Variants in GRIA2 observed in about 807,000 individuals in gnomAD.
The protein encoded by GRIA2 is glutamate receptor 2.
Under a neutral mutation model 97.3 loss-of-function variants are expected in GRIA2, and 14 were observed. That is an observed-to-expected ratio of 0.14 (90% CI 0.10 to 0.23). The LOEUF (loss-of-function observed/expected upper bound fraction) is 0.23. GRIA2 is among the 10% of genes least tolerant of loss of function. The pLI is 1.00. For missense variants in GRIA2, 558 were observed against 1,069.8 expected (o/e 0.52, Z 6.67); for synonymous variants, 412 against 387.8 (o/e 1.06, Z -0.73).
chr4:157,358,412 A>T (rs1182509199), intron 12 of GRIA2, among the ~76,000 whole-genome samples: 1 of 152,292 alleles, frequency 6.6e-6, no homozygotes, highest in East Asian at 1.9e-4. Context: ...TTACAACAGA[A>T]AGAAAGCTTG....
intron 5 of GRIA2, among the ~76,000 whole-genome samples, chr4:157,319,032 G>T (rs1579359496): frequency 6.6e-6 from 1 of 152,134 alleles, no homozygotes. Context: ...CATGCTATTG[G>T]GTTGCTCAAG....
chr4:157,343,625 A>T (rs1180716909), intron 12 of GRIA2, among the ~76,000 whole-genome samples: 1 of 152,094 alleles, frequency 6.6e-6, no homozygotes, highest in African/African-American at 2.4e-5. Context: ...CTCAGTGCAT[A>T]TAATGTTGTA....
At chr4:157,339,265 G>T (rs1735443022) in intron 11 of GRIA2, among the ~76,000 whole-genome samples, 1 of 151,890 alleles carries the variant, frequency 6.6e-6, no homozygotes, top group East Asian at 1.9e-4. Flanking sequence ...AAATGATTTA[G>T]TAGGGATTAA....
chr4:157,341,108 T>A (rs543685710), intron 11 of GRIA2, among the ~76,000 whole-genome samples, 156 bp from the exon 12 acceptor site: 1 of 152,226 alleles, frequency 6.6e-6, no homozygotes, highest in African/African-American at 2.4e-5. Context: ...TTGCCCAAAA[T>A]GTTTAATGAT....
At chr4:157,250,379 G>A (rs1048812036) in intron 2 of GRIA2, among the ~76,000 whole-genome samples, 1 of 152,032 alleles carries the variant, frequency 6.6e-6, no homozygotes, top group African/African-American at 2.4e-5. Flanking sequence ...TTATCATTGA[G>A]GCACAGGGAG....
chr4:157,317,771 A>G, intron 5 of GRIA2, 60 bp downstream of exon 5: 1 of 714,406 alleles, frequency 1.4e-6, no homozygotes, highest in East Asian at 3.0e-5. Flanking sequence ...TAAAAATTTA[A>G]TTTTGAATGG....
chr4:157,333,500 T>C (rs564143204), intron 8 of GRIA2, 147 bp downstream of exon 8: 54 of 432,642 alleles, frequency 1.2e-4, no homozygotes, highest in Non-Finnish European at 2.0e-4. Context: ...AGTTTTTTTT[T>C]CCTAAAGTCT....
At chr4:157,341,494 T>A in intron 12 of GRIA2, 32 bp downstream of exon 12, 2 of 1,459,356 alleles carry the variant, frequency 1.4e-6, no homozygotes, top group Non-Finnish European at 1.9e-6. Context: ...TTTCTGATTT[T>A]GTTCCTGAAA....
intron 2 of GRIA2, among the ~76,000 whole-genome samples, chr4:157,290,239 C>T (rs1733032212): frequency 6.6e-6 from 1 of 151,774 alleles, no homozygotes; most frequent in Non-Finnish European, 1.5e-5. Flanking sequence ...TACTAACTTA[C>T]TTTAGGGGAA....
intron 5 of GRIA2, among the ~76,000 whole-genome samples, chr4:157,320,659 A>C (rs997769242): frequency 2.0e-5 from 3 of 152,132 alleles, no homozygotes; most frequent in South Asian, 2.1e-4. Context: ...GTGGTAATTC[A>C]AAATTAATTT....
At chr4:157,263,969 A>G (rs1236052526) in intron 2 of GRIA2, among the ~76,000 whole-genome samples, 1 of 152,084 alleles carries the variant, frequency 6.6e-6, no homozygotes, top group Non-Finnish European at 1.5e-5. Context: ...GTTATAAAAA[A>G]TTTAAATATT....
chr4:157,330,002 T>C (rs114332759), intron 6 of GRIA2, among the ~76,000 whole-genome samples: 2,207 of 152,002 alleles, frequency 0.015, 56 homozygotes, highest in African/African-American at 0.049. Flanking sequence ...TCTTCACCTA[T>C]AGAATTGGAA....
At chr4:157,362,137 A>G (rs1296874688) in intron 14 of GRIA2, among the ~76,000 whole-genome samples, 2 of 152,120 alleles carry the variant, frequency 1.3e-5, no homozygotes, top group Non-Finnish European at 2.9e-5. Context: ...AGTGGATGAG[A>G]GTACACTGAG....
At chr4:157,283,610 A>G (rs904580442) in intron 2 of GRIA2, among the ~76,000 whole-genome samples, 3 of 151,940 alleles carry the variant, frequency 2.0e-5, no homozygotes, top group Admixed American at 6.6e-5. Context: ...CATCTTTGTC[A>G]GTTTGGATAT....
chr4:157,321,724 A>T (rs1323997740), intron 6 of GRIA2, 125 bp downstream of exon 6: 8 of 607,158 alleles, frequency 1.3e-5, no homozygotes, highest in Non-Finnish European at 2.0e-5. Context: ...TATGGCAAAC[A>T]TATTGACTGC....
chr4:157,222,140 C>T (rs1317698307), intron 2 of GRIA2, among the ~76,000 whole-genome samples: 1 of 152,068 alleles, frequency 6.6e-6, no homozygotes, highest in Admixed American at 6.5e-5. Flanking sequence ...GAAGCCCTCC[C>T]ACCTCGCTCC....
chr4:157,347,052 G>T (rs1299752798), intron 12 of GRIA2, among the ~76,000 whole-genome samples: 1 of 152,116 alleles, frequency 6.6e-6, no homozygotes, highest in African/African-American at 2.4e-5. Context: ...AACAATACAG[G>T]AAGGGTCAAA....
intron 2 of GRIA2, among the ~76,000 whole-genome samples, chr4:157,272,923 T>G: frequency 6.6e-6 from 1 of 152,004 alleles, no homozygotes; most frequent in East Asian, 1.9e-4. Flanking sequence ...TATAGAACAC[T>G]TTCCTTTTCC....
At chr4:157,350,564 T>G (rs1010184573) in intron 12 of GRIA2, among the ~76,000 whole-genome samples, 2 of 151,912 alleles carry the variant, frequency 1.3e-5, no homozygotes, top group South Asian at 4.1e-4. Flanking sequence ...GGCCCAGTGT[T>G]TACATGGAGA....
Sources: gnomAD v4.1 joint callset for allele counts (sites outside exome capture counted in the v4.1 genomes callset) on GRCh38, gnomAD v4.1.1 for gene constraint, MANE v1.5 for transcripts, NCBI Gene and HGNC (gene_info 2026-07-23, HGNC 2026-07-21) for gene names.